ACOT2: variants seen among roughly 807,000 people sequenced by gnomAD.
ACOT2 encodes the protein acyl-coenzyme A thioesterase 2, mitochondrial.
ACOT2 carries 15 observed loss-of-function variants against 20.1 expected under a neutral mutation model. The ratio of observed to expected loss-of-function variants is 0.75; its 90% CI spans 0.50 to 1.15. The LOEUF is 1.15. ACOT2 is among the 50% of genes most tolerant of loss of function. ACOT2 has a pLI of 0.00. For synonymous variants in ACOT2, 252 were observed against 268.4 expected (o/e 0.94, Z 0.60); for missense variants, 479 against 615.3 (o/e 0.78, Z 2.34).
chr14:73,573,513 G>C lies in ACOT2; in HGVS notation c.769G>C (p.Asp257His). 6.2e-7 allele frequency: 1 copy of C among 1,613,584 alleles called. No homozygotes were observed. Among genetic ancestry groups the C allele is most frequent in the Non-Finnish European group, 8.5e-7 (1 of 1,179,700 alleles). Residue 257 changes from aspartate to histidine, a missense_variant, in exon 2 of 3, where the codon GAC becomes CAC. Asp to His is a moderately conservative substitution (Grantham distance 81, BLOSUM62 -1). This residue lies in a region of ACOT2 where 400 missense variants were observed against 395.5 expected (regional missense o/e 1.01). Transcript: ENST00000238651. ...VMALAYYNYEDLPKTMETLHL... is the reference protein window; with the variant it reads ...VMALAYYNYEHLPKTMETLHL... Reference sequence around the variant, plus strand: ...GGCTCTGGCTTATTATAACTATGAAGACCTCCCCAAGACCATGGAGACGCT... The same window carrying C: ...GGCTCTGGCTTATTATAACTATGAACACCTCCCCAAGACCATGGAGACGCT...
chr14:73,572,389 G>A lies in ACOT2; in HGVS notation c.644-999G>A, dbSNP rs543673103. Among the ~76,000 whole-genome samples the A allele has an allele frequency of 2.0e-5, 3 of 150,480 alleles. No individual in the cohort carries two copies. In the East Asian group the frequency reaches 5.8e-4, roughly 29 times the overall value. On this transcript the variant is annotated intron_variant, in intron 1 of 2. Transcript: ENST00000238651. ...GGATGAATCTCCAAACCACTGTTGA[G>A]TGAAACAGTCAAACCCTAGGAGAAC...
Position 73,574,920 on chromosome 14 carries a change from G to T in ACOT2, c.859G>T (p.Gly287Ter), listed in dbSNP as rs772067038. ...GTCCCTTTCTCAGGTAAAAGGTCCA[G>T]GAGTTGGGCTGCTTGGAATTTCCAA... ...LLSHPEVKGP[G>*]VGLLGISKGG... Residue 287 changes from glycine to a stop codon, truncating the protein, a stop_gained, in exon 3 of 3, where the codon GGA (glycine) becomes TGA (stop). Transcript: ENST00000238651. LOFTEE classifies it low-confidence loss of function (END_TRUNC). The T allele has an allele frequency of 2.5e-6, 4 of 1,612,222 alleles. No individual in the cohort carries two copies. Among genetic ancestry groups the T allele is most frequent in the African/African-American group, 1.3e-5 (1 of 74,680 alleles).
chr14:73,568,463 T>C (rs1265175750), upstream of ACOT2, among the ~76,000 whole-genome samples: 3 of 151,260 alleles, frequency 2.0e-5, no homozygotes, highest in Non-Finnish European at 4.4e-5. Flanking sequence ...AGAGGCTGAG[T>C]CAGGAAGATG....
upstream of ACOT2, chr14:73,569,189 G>C: frequency 1.3e-6 from 2 of 1,593,592 alleles, no homozygotes; most frequent in Non-Finnish European, 1.7e-6. Context: ...GCTCACGTTA[G>C]CAGACAGCTC....
intron 1 of ACOT2, among the ~76,000 whole-genome samples, chr14:73,570,991 A>T (rs10135755): frequency 0.7 from 90,712 of 128,992 alleles, 30,086 homozygotes; most frequent in African/African-American, 0.83. Context: ...TTTTTTTTTT[A>T]AATAAGAATT....
chr14:73,572,112 AC>A (rs1889764439), intron 1 of ACOT2, among the ~76,000 whole-genome samples: 1 of 139,176 alleles, frequency 7.2e-6, no homozygotes, highest in Non-Finnish European at 1.5e-5. Flanking sequence ...GTCTTAACTT[AC>A]AAAGTTAAAT....
Position 73,569,372 on chromosome 14 carries a change from C to A in ACOT2, c.132C>A (p.Phe44Leu). The change falls in exon 1 of 3, where the codon TTC becomes TTA. Residue 44 changes from phenylalanine (F) to leucine (L), a missense_variant. Around this residue, in one of 4 missense-constraint regions of ACOT2, gnomAD observed 400 missense variants for 395.5 expected, o/e 1.01. Transcript: ENST00000238651. ...YQWSLKSSAQFLGSPQLRQVG... is the reference protein window; with the variant it reads ...YQWSLKSSAQLLGSPQLRQVG... ...GGAGCCTGAAGAGTTCGGCGCAGTT[C>A]CTGGGGTCTCCACAGCTGAGGCAGG... 1 of 1,613,988 alleles carries A rather than the reference C, an allele frequency of 6.2e-7. No individual in the cohort carries two copies. The highest frequency in any genetic ancestry group is 1.7e-5 in the Admixed American group (1 of 60,028).
At chr14:73,567,904 C>T (rs1378491342), upstream of ACOT2, 1 of 152,102 alleles carries the variant, frequency 6.6e-6, no homozygotes, top group Admixed American at 6.6e-5. Context: ...CCAGAAGGAA[C>T]ACATTCCGGA....
chr14:73,574,391 C>T lies in ACOT2; in HGVS notation c.847-517C>T, dbSNP rs55737924. 40 of 198,330 alleles carry T rather than the reference C, an allele frequency of 2.0e-4. No individual in the cohort carries two copies. In the East Asian group the frequency reaches 4.8e-3, roughly 24 times the overall value. The allele number at this position is 198,330 out of a possible 1,614,324, so 12.3% of individuals were successfully genotyped here. On this transcript the variant is annotated intron_variant, in intron 2 of 2. Coordinates refer to ENST00000238651, the MANE Select transcript of ACOT2 (RefSeq NM_006821.6). Reference sequence around the variant, plus strand: ...TTGATTCTTCTGCCTCAGCCTCCCACGTAGCTGTGACTACAGGCACGTGCC... The same window carrying T: ...TTGATTCTTCTGCCTCAGCCTCCCATGTAGCTGTGACTACAGGCACGTGCC...
At chr14:73,572,593 TCA>T (rs1889779543) in intron 1 of ACOT2, among the ~76,000 whole-genome samples, 2 of 145,164 alleles carry the variant, frequency 1.4e-5, no homozygotes, top group African/African-American at 2.5e-5. Context: ...TTTGCGGGTA[TCA>T]GCACTGAACT....
chr14:73,569,669 C>A lies in ACOT2; in HGVS notation c.429C>A (p.Leu143=). Reference sequence around the variant, plus strand: ...CGGGGCTTGAGCCCATGGGGCTGCTCTGGGCCTTGGAGCCCGAGAAACCTT... The same window carrying A: ...CGGGGCTTGAGCCCATGGGGCTGCTATGGGCCTTGGAGCCCGAGAAACCTT... ...SFAGLEPMGL[L]WALEPEKPLV... The change falls in exon 1 of 3, where the codon CTC becomes CTA. Residue 143 remains leucine (L), a synonymous_variant. Transcript: ENST00000238651. 6.2e-7 allele frequency: 1 copy of A among 1,608,230 alleles called. No individual in the cohort carries two copies.
chr14:73,569,670 T>G lies in ACOT2; in HGVS notation c.430T>G (p.Trp144Gly). ...GGGGCTTGAGCCCATGGGGCTGCTC[T>G]GGGCCTTGGAGCCCGAGAAACCTTT... Reference protein sequence around the residue: ...FAGLEPMGLLWALEPEKPLVR... With the variant: ...FAGLEPMGLLGALEPEKPLVR... Residue 144 changes from tryptophan to glycine, a missense_variant, in exon 1 of 3, where the codon TGG becomes GGG. Coordinates refer to ENST00000238651, the MANE Select transcript of ACOT2 (RefSeq NM_006821.6). The G allele has an allele frequency of 6.2e-7, 1 of 1,608,360 alleles. No individual in the cohort carries two copies. Among genetic ancestry groups the G allele is most frequent in the Non-Finnish European group, 8.5e-7 (1 of 1,178,482 alleles).
upstream of ACOT2, chr14:73,569,071 G>A: frequency 2.4e-6 from 2 of 836,254 alleles, no homozygotes; most frequent in Non-Finnish European, 3.7e-6. Flanking sequence ...AGCAAACCTA[G>A]GAAGTAGCTT....
At chr14:73,572,076 T>C (rs1889763765) in intron 1 of ACOT2, among the ~76,000 whole-genome samples, 1 of 149,278 alleles carries the variant, frequency 6.7e-6, no homozygotes. Flanking sequence ...AGGAGCAACA[T>C]ATTCATCTGC....
upstream of ACOT2, chr14:73,567,710 A>G (rs1889631100): frequency 6.6e-6 from 1 of 152,020 alleles, no homozygotes; most frequent in Admixed American, 6.6e-5. Flanking sequence ...TTGGGTCCAT[A>G]CTGCATTTCA....
Position 73,569,402 on chromosome 14 carries a change from T to C in ACOT2, c.162T>C (p.Gly54=), listed in dbSNP as rs770768111. The part of the protein sequence containing the change: ...FLGSPQLRQV[G]QIIRVPARMA... ...GGTCTCCACAGCTGAGGCAGGTTGG[T>C]CAGATCATTAGGGTTCCTGCTCGGA... Residue 54 remains glycine, a synonymous_variant, in exon 1 of 3, where the codon GGT becomes GGC. Coordinates refer to ENST00000238651, the MANE Select transcript of ACOT2 (RefSeq NM_006821.6). 5.0e-6 allele frequency: 8 copies of C among 1,613,842 alleles called. No individual in the cohort carries two copies. Among genetic ancestry groups the C allele is most frequent in the Non-Finnish European group, 5.9e-6 (7 of 1,179,806 alleles).
chr14:73,570,679 C>T (rs556144633), intron 1 of ACOT2, among the ~76,000 whole-genome samples: 5 of 152,066 alleles, frequency 3.3e-5, no homozygotes, highest in East Asian at 1.9e-4. Flanking sequence ...CCGAGGCCGG[C>T]GGATCACCTG....
chr14:73,571,460 T>C (rs3815282), intron 1 of ACOT2: 4 of 152,420 alleles, frequency 2.6e-5, no homozygotes, highest in African/African-American at 7.2e-5. Flanking sequence ...TCTTGCAAGG[T>C]CCTCCGGGGT....
rs750685281 is a variant in ACOT2 at position 73,573,467 on chromosome 14, T to C, written c.723T>C (p.Ala241=). 3 of 1,613,684 alleles carry C rather than the reference T, an allele frequency of 1.9e-6. No individual in the cohort carries two copies. The highest frequency in any genetic ancestry group is 2.5e-6 in the Non-Finnish European group (3 of 1,179,760). The stretch of plus-strand genomic sequence containing the variant: ...TGGAGTATCGGGCTAGTCTGCTGGC[T>C]GGGAAGGGTTTTGCTGTGATGGCTC... ...GLLEYRASLL[A]GKGFAVMALA... Residue 241 remains alanine, a synonymous_variant, in exon 2 of 3, where the codon GCT becomes GCC. Coordinates refer to ENST00000238651, the MANE Select transcript of ACOT2 (RefSeq NM_006821.6).
Sources: gnomAD v4.1 joint callset for allele counts (sites outside exome capture counted in the v4.1 genomes callset) on GRCh38, gnomAD v4.1.1 for gene constraint, gnomAD v4.1.1 regional missense constraint, MANE v1.5 for transcripts, NCBI Gene and HGNC (gene_info 2026-07-23, HGNC 2026-07-21) for gene names.